TRAPPC9: variants seen among roughly 807,000 people sequenced by gnomAD.
TRAPPC9 encodes the protein trafficking protein particle complex subunit 9.
TRAPPC9 carries 83 observed loss-of-function variants against 124.0 expected under a neutral mutation model. That is an observed-to-expected ratio of 0.67 (90% CI 0.56 to 0.80). The LOEUF (loss-of-function observed/expected upper bound fraction) is 0.80. Among genes scored for constraint, TRAPPC9 ranks in the 30% least tolerant of loss-of-function variants. The pLI, the probability that TRAPPC9 is intolerant of heterozygous loss-of-function variation, is 0.00. For synonymous variants in TRAPPC9, 638 were observed against 617.5 expected (o/e 1.03, Z -0.49); for missense variants, 1,302 against 1,508.3 (o/e 0.86, Z 2.27).
chr8:140,231,066 T>G (rs2063579995), intron 16 of TRAPPC9, among the ~76,000 whole-genome samples: 1 of 152,240 alleles, frequency 6.6e-6, no homozygotes, highest in African/African-American at 2.4e-5. Flanking sequence ...ATTTAAAGTC[T>G]GTATCCAAAT....
chr8:139,890,368 C>G (rs1830262076), intron 20 of TRAPPC9, among the ~76,000 whole-genome samples: 1 of 152,238 alleles, frequency 6.6e-6, no homozygotes, highest in Admixed American at 6.5e-5. Context: ...GTTGAGCTTG[C>G]TCCCTACCAC....
intron 21 of TRAPPC9, among the ~76,000 whole-genome samples, chr8:139,739,745 G>A (rs1586737141): frequency 6.6e-6 from 1 of 152,230 alleles, no homozygotes; most frequent in East Asian, 1.9e-4. Context: ...AAGCGACCTT[G>A]TTTATCGATT....
chr8:139,905,822 C>T (rs958417173), intron 20 of TRAPPC9, among the ~76,000 whole-genome samples: 9 of 152,028 alleles, frequency 5.9e-5, no homozygotes, highest in South Asian at 4.2e-4. Context: ...CAGCTGGGCG[C>T]GGTGGCTCAT....
At chr8:140,431,314 G>A (rs773331182) in intron 4 of TRAPPC9, among the ~76,000 whole-genome samples, 29 of 152,010 alleles carry the variant, frequency 1.9e-4, no homozygotes, top group South Asian at 1.0e-3. Context: ...AAAACTAGCC[G>A]GGCGTAGTGG....
intron 17 of TRAPPC9, among the ~76,000 whole-genome samples, chr8:140,174,982 T>C (rs2062033679): frequency 6.7e-6 from 1 of 150,318 alleles, no homozygotes; most frequent in Admixed American, 6.8e-5. Flanking sequence ...TACCAAACTG[T>C]TTTTCAATGC....
chr8:140,281,082 C>A (rs759259968), intron 14 of TRAPPC9, among the ~76,000 whole-genome samples: 2 of 152,206 alleles, frequency 1.3e-5, no homozygotes, highest in Non-Finnish European at 2.9e-5. Context: ...TGACTGTGAA[C>A]GATGCTGCTA....
intron 19 of TRAPPC9, among the ~76,000 whole-genome samples, chr8:139,966,137 G>C (rs1835691302): frequency 6.6e-6 from 1 of 152,240 alleles, no homozygotes; most frequent in Admixed American, 6.5e-5. Flanking sequence ...TGAGAGGTGG[G>C]GGCAGAACAG....
At chr8:140,150,221 G>A (rs775732135) in intron 17 of TRAPPC9, among the ~76,000 whole-genome samples, 1 of 152,198 alleles carries the variant, frequency 6.6e-6, no homozygotes, top group Non-Finnish European at 1.5e-5. Flanking sequence ...GCTGAGGCAG[G>A]CAGATTACCT....
At chr8:139,755,601 A>G (rs1200077850) in intron 21 of TRAPPC9, among the ~76,000 whole-genome samples, 2 of 121,786 alleles carry the variant, frequency 1.6e-5, no homozygotes, top group African/African-American at 3.4e-5. Context: ...AGGTCGCAGG[A>G]GGAGCCAGGG....
At position 140,355,165 on chromosome 8, in the gene TRAPPC9, G is replaced by T. The variant is rs151319426; in HGVS notation, c.1495+4885C>A. ...GCTTGGACCCCATCAATCACAGTGTGCGTCCCCTTCCCAGGACAAGGGGCA... is the reference window on the plus strand; with the variant it reads ...GCTTGGACCCCATCAATCACAGTGTTCGTCCCCTTCCCAGGACAAGGGGCA... On this transcript the variant is annotated intron_variant, in intron 9 of 22. Coordinates refer to ENST00000438773, the MANE Select transcript of TRAPPC9 (RefSeq NM_001160372.4). Among the ~76,000 whole-genome samples, 83 of 152,252 alleles carry T rather than the reference G, an allele frequency of 5.5e-4. No homozygotes were observed. In the East Asian group the frequency reaches 0.015, roughly 28 times the overall value.
chr8:140,428,063 C>T (rs1014970126), intron 4 of TRAPPC9, among the ~76,000 whole-genome samples: 3 of 152,144 alleles, frequency 2.0e-5, no homozygotes, highest in Non-Finnish European at 2.9e-5. Flanking sequence ...ACTGAGCAGA[C>T]GTTCAGCTGC....
intron 17 of TRAPPC9, among the ~76,000 whole-genome samples, chr8:140,080,624 C>A (rs987881089): frequency 2.6e-5 from 4 of 152,172 alleles, no homozygotes; most frequent in African/African-American, 9.7e-5. Flanking sequence ...GGAGACAGCA[C>A]CAATCTATTC....
rs1016186923 is a variant in TRAPPC9 at position 139,730,738 on chromosome 8, C to T, written c.*323G>A. 1 of 396,636 alleles carries T rather than the reference C, an allele frequency of 2.5e-6. No homozygotes were observed. Among genetic ancestry groups the T allele is most frequent in the Non-Finnish European group, 4.7e-6 (1 of 213,314 alleles). 24.6% of individuals were successfully genotyped at this position (396,636 alleles called of 1,614,324 possible). ...GATGAGCAGCACAGCACGGCTGGGGCCCCAGGTCACAGAAATGGGTGCAGG... is the reference window on the plus strand; with the variant it reads ...GATGAGCAGCACAGCACGGCTGGGGTCCCAGGTCACAGAAATGGGTGCAGG... On this transcript the variant is annotated 3_prime_UTR_variant, in exon 23 of 23. Coordinates refer to ENST00000438773, the MANE Select transcript of TRAPPC9 (RefSeq NM_001160372.4).
At chr8:140,174,514 T>C (rs56944123) in intron 17 of TRAPPC9, among the ~76,000 whole-genome samples, 5,353 of 152,234 alleles carry the variant, frequency 0.035, 348 homozygotes, top group African/African-American at 0.12. Flanking sequence ...AATTTCGGAG[T>C]ATTTCCATCA....
chr8:140,021,896 A>C (rs1328537822), intron 18 of TRAPPC9, among the ~76,000 whole-genome samples: 6 of 152,246 alleles, frequency 3.9e-5, no homozygotes, highest in African/African-American at 1.4e-4. Context: ...CATTTAAGAG[A>C]GAGAACAGTG....
At chr8:140,048,839 TC>T (rs1841792137) in intron 17 of TRAPPC9, among the ~76,000 whole-genome samples, 1 of 152,050 alleles carries the variant, frequency 6.6e-6, no homozygotes, top group Non-Finnish European at 1.5e-5. Flanking sequence ...CTGTCACCCA[TC>T]CCCTGCTCCC....
At position 140,449,985 on chromosome 8, in the gene TRAPPC9, AC is replaced by A. The variant is rs1308501640; in HGVS notation, c.584+804del. 2.0e-5 allele frequency among the ~76,000 whole-genome samples: 3 copies of A among 152,380 alleles called. No homozygotes were observed. In the East Asian group the frequency reaches 5.8e-4, roughly 29 times the overall value. ...TAAAAGTAAGAATGAAACAGTTGAT[AC>A]TGATTTTTAAAATATAGTTTATTTA... On this transcript the variant is annotated intron_variant, in intron 2 of 22. Transcript: ENST00000438773.
chr8:140,002,150 T>C (rs1258350634), intron 18 of TRAPPC9, among the ~76,000 whole-genome samples: 8 of 151,696 alleles, frequency 5.3e-5, no homozygotes, highest in Non-Finnish European at 1.0e-4. Context: ...ACAAATACCC[T>C]TCATACCAAT....
intron 18 of TRAPPC9, among the ~76,000 whole-genome samples, chr8:140,017,772 T>C (rs1450725251): frequency 2.6e-5 from 4 of 152,202 alleles, no homozygotes; most frequent in Non-Finnish European, 5.9e-5. Context: ...TTGACCGAAT[T>C]GCATTCAACT....
Sources: allele counts gnomAD v4.1 joint callset (sites outside exome capture counted in the v4.1 genomes callset), GRCh38; gene constraint gnomAD v4.1.1; transcripts MANE v1.5; gene names NCBI Gene and HGNC (gene_info 2026-07-23, HGNC 2026-07-21).